The following ZSCAN1 variants were observed in gnomAD, a reference collection of about 807,000 sequenced individuals.
ZSCAN1 encodes the protein zinc finger and SCAN domain-containing protein 1.
Under a neutral mutation model 23.8 loss-of-function variants are expected in ZSCAN1, and 23 were observed. The observed-to-expected ratio is 0.97, with a 90% confidence interval of 0.70 to 1.37. ZSCAN1 has a LOEUF of 1.37. Among genes scored for constraint, ZSCAN1 ranks in the 40% most tolerant of loss-of-function variants. The pLI is 0.00. For synonymous variants in ZSCAN1, 236 were observed against 232.3 expected (o/e 1.02, Z -0.15); for missense variants, 575 against 554.0 (o/e 1.04, Z -0.38).
At chr19:58,056,394 C>G (rs1405727463), downstream of ZSCAN1, among the ~76,000 whole-genome samples, 2 of 152,232 alleles carry the variant, frequency 1.3e-5, no homozygotes, top group African/African-American at 4.8e-5. Context: ...CCATACTTGA[C>G]CACACCCAGC....
chr19:58,040,136 C>A lies in ZSCAN1; in HGVS notation c.371-314C>A, dbSNP rs1271504562. 6.6e-6 allele frequency among the ~76,000 whole-genome samples: 1 copy of A among 152,184 alleles called. No homozygotes were observed. On this transcript the variant is annotated intron_variant, in intron 3 of 5. Transcript: ENST00000282326. This position sits in a 1 kb window ranked among gnomAD's most constrained non-coding sequence, Gnocchi z 5.8. ...ACACAGCCCCGGGGGGCTTGGGGAG[C>A]AGAGGGCTCACAGTGCTCGGGCCTC...
At chr19:58,055,915 T>G (rs2073887285), downstream of ZSCAN1, among the ~76,000 whole-genome samples, 1 of 152,124 alleles carries the variant, frequency 6.6e-6, no homozygotes, top group African/African-American at 2.4e-5. Context: ...TCTTCCCTTG[T>G]GCAAAAACAA....
Position 58,054,403 on chromosome 19 carries a change from G to T in ZSCAN1, c.*352G>T, listed in dbSNP as rs1302030082. 4.8e-6 allele frequency: 1 copy of T among 206,416 alleles called. No individual in the cohort carries two copies. The highest frequency in any genetic ancestry group is 9.7e-6 in the Non-Finnish European group (1 of 103,106). 12.8% of individuals were successfully genotyped at this position (206,416 alleles called of 1,614,324 possible). A position where few individuals can be genotyped will look rare whatever the true frequency, so the allele number is the denominator to read the frequency against. On this transcript the variant is annotated 3_prime_UTR_variant, in exon 6 of 6. Transcript: ENST00000282326. This position sits in a 1 kb window ranked among gnomAD's most constrained non-coding sequence, Gnocchi z 4.2. The stretch of plus-strand genomic sequence containing the variant: ...ACCTGACTCAGCGGCAGCTTCTGCC[G>T]CTGGGTTTTCATTTCACTGTGGATA...
At position 58,045,081 on chromosome 19, in the gene ZSCAN1, C is replaced by G; in HGVS notation, c.465+4537C>G. On this transcript the variant is annotated intron_variant, in intron 4 of 5. Coordinates refer to ENST00000282326, the MANE Select transcript of ZSCAN1 (RefSeq NM_182572.4). This position sits in a 1 kb window ranked among gnomAD's most constrained non-coding sequence, Gnocchi z 4.3. ...GCTGGGCGAGCTGAGGCACTACTAC[C>G]ATGGCTTCCGCCTGCTACGGATCCA... The G allele has an allele frequency of 8.3e-7, 1 of 1,206,444 alleles. No individual in the cohort carries two copies. Among genetic ancestry groups the G allele is most frequent in the Non-Finnish European group, 1.2e-6 (1 of 812,028 alleles). The allele number at this position is 1,206,444 out of a possible 1,614,324, so 74.7% of individuals were successfully genotyped here.
At chr19:58,046,160 A>G in intron 4 of ZSCAN1, 1 of 731,594 alleles carries the variant, frequency 1.4e-6, no homozygotes, top group Non-Finnish European at 2.5e-6. Flanking sequence ...CCCGTGCTAG[A>G]GGGCTTGAAG....
rs777409241 is a variant in ZSCAN1, at chr19:58,035,984, C to T, written c.-137C>T. Reference sequence around the variant, plus strand: ...TGTTGATGAAGGTCACATGGGAGCCCGACACCATTTGGAGGAGATTCAGAG... The same window carrying T: ...TGTTGATGAAGGTCACATGGGAGCCTGACACCATTTGGAGGAGATTCAGAG... On this transcript the variant is annotated 5_prime_UTR_variant, in exon 2 of 6. It introduces an in-frame stop codon into an upstream open reading frame of the 5' UTR. Transcript: ENST00000282326. The T allele has an allele frequency of 6.6e-5, 10 of 152,186 alleles. No individual in the cohort carries two copies. Among genetic ancestry groups the T allele is most frequent in the Non-Finnish European group, 1.2e-4 (8 of 68,040 alleles). 9.4% of individuals were successfully genotyped at this position (152,186 alleles called of 1,614,324 possible).
Position 58,045,619 on chromosome 19 carries a change from C to A in ZSCAN1, c.465+5075C>A. 1 of 969,424 alleles carries A rather than the reference C, an allele frequency of 1.0e-6. No homozygotes were observed. The highest frequency in any genetic ancestry group is 1.7e-5 in the Admixed American group (1 of 58,984). 60.1% of individuals were successfully genotyped at this position (969,424 alleles called of 1,614,324 possible). A position where few individuals can be genotyped will look rare whatever the true frequency, so the allele number is the denominator to read the frequency against. On this transcript the variant is annotated intron_variant, in intron 4 of 5. Transcript: ENST00000282326. The surrounding 1 kb of genome is among the most constrained non-coding windows in gnomAD (Gnocchi z 4.3). ...CCTGCGCTTCCAGCTCACGATGCGGCTGCGCTCCATAAAGGCAGAGGACAA... is the reference window on the plus strand; with the variant it reads ...CCTGCGCTTCCAGCTCACGATGCGGATGCGCTCCATAAAGGCAGAGGACAA...
Position 58,038,124 on chromosome 19 carries a change from C to G in ZSCAN1, c.288C>G (p.Thr96=), listed in dbSNP as rs1450395606. ...GCGCGCTGCCCAGCAAGATGCGGAC[C>G]TGGGTGCAGTCACAGGGCCCCCGAA... The part of the protein sequence containing the change: ...FLGALPSKMR[T]WVQSQGPRSC... The change falls in exon 3 of 6, where the codon ACC becomes ACG. Residue 96 remains threonine, a synonymous_variant. Coordinates refer to ENST00000282326, the MANE Select transcript of ZSCAN1 (RefSeq NM_182572.4). 2.5e-6 allele frequency: 4 copies of G among 1,610,436 alleles called. No individual in the cohort carries two copies. The highest frequency in any genetic ancestry group is 2.1e-4 in the Middle Eastern group (1 of 4,756).
Position 58,052,545 on chromosome 19 carries a change from G to T in ZSCAN1, c.521G>T (p.Ser174Ile), listed in dbSNP as rs1473650928. 5 of 1,614,054 alleles carry T rather than the reference G, an allele frequency of 3.1e-6. No individual in the cohort carries two copies. Among genetic ancestry groups the T allele is most frequent in the Non-Finnish European group, 4.2e-6 (5 of 1,180,034 alleles). The change falls in exon 5 of 6, where the codon AGT (serine) becomes ATT (isoleucine). Residue 174 changes from serine (S) to isoleucine (I), a missense_variant. Physicochemically the swap from Ser to Ile is moderately radical, Grantham distance 142. Transcript: ENST00000282326. ...GCAGCCCCAGCACTCCCCGAGGAAA[G>T]TGAGTGGCTGGAGACTACCCAGCTC... ...VAAAPALPEE[S>I]EWLETTQLQQ... is the part of the protein sequence containing the mutation.
intron 1 of ZSCAN1, among the ~76,000 whole-genome samples, chr19:58,034,745 A>G (rs1462973204): frequency 1.1e-4 from 9 of 84,544 alleles, no homozygotes; most frequent in African/African-American, 4.2e-4. Flanking sequence ...CCCCCACCCA[A>G]TCACCCCACC....
intron 4 of ZSCAN1, among the ~76,000 whole-genome samples, chr19:58,048,715 C>T (rs2073841241): frequency 6.6e-6 from 1 of 152,192 alleles, no homozygotes; most frequent in Non-Finnish European, 1.5e-5. Flanking sequence ...GCCTTGGCCT[C>T]CCAAAGTGCC....
At chr19:58,043,960 C>A (rs1311208568) in intron 4 of ZSCAN1, among the ~76,000 whole-genome samples, 2 of 151,908 alleles carry the variant, frequency 1.3e-5, no homozygotes, top group Non-Finnish European at 2.9e-5. Context: ...AGCCACTGTG[C>A]CTGGCGTAAA....
In ZSCAN1 at chr19:58,049,816, C is replaced by T. The variant is rs1386724959; in HGVS notation, c.466-2674C>T. On this transcript the variant is annotated intron_variant, in intron 4 of 5. Transcript: ENST00000282326. The surrounding 1 kb of genome is among the most constrained non-coding windows in gnomAD (Gnocchi z 4.5). ...TGGTTCCCACCGCGTAGCTGATACTCGTGGCCCCTGCTTTTCTTCTTTGTG... is the reference window on the plus strand; with the variant it reads ...TGGTTCCCACCGCGTAGCTGATACTTGTGGCCCCTGCTTTTCTTCTTTGTG... Among the ~76,000 whole-genome samples the T allele has an allele frequency of 2.0e-5, 3 of 152,202 alleles. No individual in the cohort carries two copies. The highest frequency in any genetic ancestry group is 4.4e-5 in the Non-Finnish European group (3 of 68,042).
At position 58,052,484 on chromosome 19, in the gene ZSCAN1, T is replaced by C. The variant is rs751460428; in HGVS notation, c.466-6T>C. ...CTGCCGAACAGTCCTGTGCTTGCCA[T>C]TCTAGGCGTCTGAGCTGATTCTGGA... On this transcript the variant is annotated splice_region_variant and splice_polypyrimidine_tract_variant and intron_variant, in intron 4 of 5. Coordinates refer to ENST00000282326, the MANE Select transcript of ZSCAN1 (RefSeq NM_182572.4). 1.2e-6 allele frequency: 2 copies of C among 1,613,952 alleles called. No individual in the cohort carries two copies. Among genetic ancestry groups the C allele is most frequent in the Non-Finnish European group, 1.7e-6 (2 of 1,179,988 alleles).
At chr19:58,041,862 T>A (rs147487209) in intron 4 of ZSCAN1, among the ~76,000 whole-genome samples, 1 of 151,998 alleles carries the variant, frequency 6.6e-6, no homozygotes, top group East Asian at 1.9e-4. Context: ...GATGACAGAG[T>A]GAGACCCTAA....
intron 1 of ZSCAN1, among the ~76,000 whole-genome samples, chr19:58,034,768 A>C (rs1036038780): frequency 2.0e-5 from 2 of 101,274 alleles, no homozygotes; most frequent in Admixed American, 1.2e-4. Context: ...CCTCCCCCCA[A>C]CCAGCCGTCC....
chr19:58,050,561 G>A (rs750838481), intron 4 of ZSCAN1, among the ~76,000 whole-genome samples: 6 of 151,680 alleles, frequency 4.0e-5, no homozygotes, highest in East Asian at 3.9e-4. Context: ...TCGCTCTGTC[G>A]CCAGGCTGCA....
At chr19:58,036,515 C>CTTTTTTTTTTTTTTTT (rs66483587) in intron 2 of ZSCAN1, among the ~76,000 whole-genome samples, 1 of 93,438 alleles carries the variant, frequency 1.1e-5, no homozygotes, top group African/African-American at 4.2e-5. Context: ...TTTTTCTTTT[C>CTTTTTTTTTTTTTTTT]TTTTTTTTTT....
In ZSCAN1 at chr19:58,047,865, G is replaced by A. The variant is rs1190688121; in HGVS notation, c.466-4625G>A. Among the ~76,000 whole-genome samples the A allele has an allele frequency of 6.6e-6, 1 of 152,230 alleles. No homozygotes were observed. The highest frequency in any genetic ancestry group is 1.5e-5 in the Non-Finnish European group (1 of 68,042). ...TGGGTGGGGTGGCCTCCCTGCACTCGGCAGCATGGTCGGGCTGGCGAGGGC... is the reference window on the plus strand; with the variant it reads ...TGGGTGGGGTGGCCTCCCTGCACTCAGCAGCATGGTCGGGCTGGCGAGGGC... On this transcript the variant is annotated intron_variant, in intron 4 of 5. Coordinates refer to ENST00000282326, the MANE Select transcript of ZSCAN1 (RefSeq NM_182572.4). The surrounding 1 kb of genome is among the most constrained non-coding windows in gnomAD (Gnocchi z 4.9).
Sources: allele counts gnomAD v4.1 joint callset (sites outside exome capture counted in the v4.1 genomes callset), GRCh38; gene constraint gnomAD v4.1.1; non-coding constraint Gnocchi (gnomAD v3.1); transcripts MANE v1.5; gene names NCBI Gene and HGNC (gene_info 2026-07-23, HGNC 2026-07-21).